The following MYO9A variants were observed in gnomAD, a reference collection of about 807,000 sequenced individuals.
MYO9A encodes myosin IXA.
In MYO9A, 103 loss-of-function variants were observed where a neutral mutation model predicts 293.3. That is an observed-to-expected ratio of 0.35 (90% CI 0.30 to 0.41). MYO9A has a LOEUF of 0.41. Ranked by LOEUF, MYO9A falls within the 10% of genes least tolerant of loss-of-function variation. The pLI is 1.00. For synonymous variants in MYO9A, 1,001 were observed against 1,035.7 expected, an observed-to-expected ratio of 0.97 and a Z score of 0.64; for missense variants, 2,685 against 3,033.0, an observed-to-expected ratio of 0.89 and a Z score of 2.69.
intron 32 of MYO9A, among the ~76,000 whole-genome samples, chr15:71,871,358 G>C (rs2056507198): frequency 6.6e-6 from 1 of 152,118 alleles, no homozygotes; most frequent in Admixed American, 6.5e-5. Context: ...CTGGGCAACA[G>C]AGCGAGACCT....
Position 72,085,800 on chromosome 15 carries a change from TG to T in MYO9A, c.-72+31879del, listed in dbSNP as rs201203140. ...GATGCTGTCCTTCGAAATGGTTTTT[TG>T]TTTTTTTCCTTTCACCCTATTTGAT... is the stretch of plus-strand genomic sequence containing the variant. On this transcript the variant is annotated intron_variant, in intron 1 of 41. Transcript: ENST00000356056. Among the ~76,000 whole-genome samples, 657 of 152,338 alleles carry T rather than the reference TG, an allele frequency of 4.3e-3. 29 individuals carry two copies. Among genetic ancestry groups the T allele is most frequent in the Admixed American group, 0.039 (598 of 15,284 alleles).
chr15:72,031,010 G>A (rs796325289), intron 3 of MYO9A, among the ~76,000 whole-genome samples: 6 of 152,210 alleles, frequency 3.9e-5, no homozygotes, highest in African/African-American at 1.4e-4. Context: ...GATCAGCGGC[G>A]GCATTAGATT....
At position 72,117,789 on chromosome 15, in the gene MYO9A, C is replaced by A; in HGVS notation, c.-181G>T. 2.5e-6 allele frequency: 1 copy of A among 398,282 alleles called. No individual in the cohort carries two copies. The highest frequency in any genetic ancestry group is 3.6e-5 in the East Asian group (1 of 28,034). The allele number at this position is 398,282 out of a possible 1,614,324, so 24.7% of individuals were successfully genotyped here. ...AGATGGCAGAAGAGGCCGAGGCCACCGAGGGTCGGACGGTTCCGGGAGGGT... is the reference window on the plus strand; with the variant it reads ...AGATGGCAGAAGAGGCCGAGGCCACAGAGGGTCGGACGGTTCCGGGAGGGT... On this transcript the variant is annotated 5_prime_UTR_variant, in exon 1 of 42. Coordinates refer to ENST00000356056, the MANE Select transcript of MYO9A (RefSeq NM_006901.4).
At chr15:72,002,681 A>G (rs1408610811) in intron 8 of MYO9A, among the ~76,000 whole-genome samples, 1 of 152,248 alleles carries the variant, frequency 6.6e-6, no homozygotes, top group Non-Finnish European at 1.5e-5. Flanking sequence ...TCTTTATAAA[A>G]ACATCTATCT....
chr15:71,896,952 ATG>A (rs1386508788), intron 25 of MYO9A: 5 of 152,450 alleles, frequency 3.3e-5, no homozygotes, highest in Non-Finnish European at 7.3e-5. Flanking sequence ...TTGCAAAACA[ATG>A]TATATACAGT....
In MYO9A at chr15:71,850,052, T is replaced by G; in HGVS notation, c.6697A>C (p.Ile2233Leu). Residue 2233 changes from isoleucine to leucine, a missense_variant, in exon 38 of 42, where the codon ATC (isoleucine) becomes CTC (leucine). Around this residue, in one of 10 missense-constraint regions of MYO9A, gnomAD observed 238 missense variants for 269.1 expected, o/e 0.88. Coordinates refer to ENST00000356056, the MANE Select transcript of MYO9A (RefSeq NM_006901.4). ...TGGCCTTACGTGGTAGTCTTACTGA[T>G]GTCCTGTACACTTTGTAGTGGGTCA... ...TTDPLQSVQD[I>L]SKTTTCVELI... 1.2e-6 allele frequency: 2 copies of G among 1,613,966 alleles called. No homozygotes were observed. The highest frequency in any genetic ancestry group is 1.7e-6 in the Non-Finnish European group (2 of 1,179,876).
intron 1 of MYO9A, among the ~76,000 whole-genome samples, chr15:72,052,413 G>A (rs951598809): frequency 3.3e-5 from 5 of 152,192 alleles, no homozygotes; most frequent in Non-Finnish European, 7.3e-5. Context: ...ACTTGTCCGT[G>A]TACCTCGTTC....
chr15:72,056,219 C>T (rs1160400583), intron 1 of MYO9A, among the ~76,000 whole-genome samples: 1 of 152,160 alleles, frequency 6.6e-6, no homozygotes, highest in Non-Finnish European at 1.5e-5. Flanking sequence ...CAGGGTATCA[C>T]CCAGTTGCCA....
At chr15:72,040,965 A>C (rs970451832) in intron 2 of MYO9A, among the ~76,000 whole-genome samples, 10 of 152,238 alleles carry the variant, frequency 6.6e-5, no homozygotes, top group African/African-American at 2.4e-4. Flanking sequence ...CTCAGAGATC[A>C]TACTAAAAAC....
intron 10 of MYO9A, among the ~76,000 whole-genome samples, chr15:71,994,090 T>C (rs900120890): frequency 2.1e-4 from 32 of 152,182 alleles, no homozygotes; most frequent in African/African-American, 6.5e-4. Context: ...TGGATGGATT[T>C]ATGGTACACA....
chr15:71,892,985 A>T, intron 26 of MYO9A: 1 of 1,276,236 alleles, frequency 7.8e-7, no homozygotes, highest in Non-Finnish European at 1.0e-6. Flanking sequence ...TCACTGTGAG[A>T]GGCCTGACCC....
At chr15:71,894,299 G>A (rs1043267768) in intron 25 of MYO9A, among the ~76,000 whole-genome samples, 3 of 152,158 alleles carry the variant, frequency 2.0e-5, no homozygotes, top group Non-Finnish European at 2.9e-5. Flanking sequence ...CGTTGAGGCT[G>A]GGTGCAGTGG....
chr15:71,908,432 G>A (rs1028475464), intron 19 of MYO9A, among the ~76,000 whole-genome samples: 6 of 152,148 alleles, frequency 3.9e-5, no homozygotes, highest in Non-Finnish European at 8.8e-5. Flanking sequence ...CAAAGTGCTG[G>A]GATTACAGGC....
chr15:71,947,497 G>C lies in MYO9A; in HGVS notation c.2302+4280C>G, dbSNP rs146694962. ...AATATGTTGTTTCCATCATCTTTCA[G>C]ATCAAAAAACTTCCAAGTTACCCTT... On this transcript the variant is annotated intron_variant, in intron 15 of 41. Transcript: ENST00000356056. Among the ~76,000 whole-genome samples, 7 of 151,900 alleles carry C rather than the reference G, an allele frequency of 4.6e-5. No individual in the cohort carries two copies. The East Asian group carries it at 9.7e-4, about 21-fold the overall frequency.
intron 11 of MYO9A, among the ~76,000 whole-genome samples, chr15:71,986,683 AAG>A (rs1344467360): frequency 6.6e-6 from 1 of 152,178 alleles, no homozygotes; most frequent in Non-Finnish European, 1.5e-5. Flanking sequence ...TTTTAATAGA[AAG>A]AGGGCTTATA....
intron 24 of MYO9A, 130 bp from the exon 25 acceptor site, chr15:71,899,162 C>G: frequency 1.2e-6 from 1 of 831,318 alleles, no homozygotes; most frequent in Non-Finnish European, 1.8e-6. Flanking sequence ...TCTTCTTAAA[C>G]TAACTTGAAT....
chr15:71,992,243 T>C (rs2076563216), intron 10 of MYO9A, among the ~76,000 whole-genome samples: 1 of 152,204 alleles, frequency 6.6e-6, no homozygotes. Context: ...ACATAAATGC[T>C]TATATTCTTC....
chr15:71,918,613 T>C (rs578121213), intron 18 of MYO9A, among the ~76,000 whole-genome samples: 1 of 152,336 alleles, frequency 6.6e-6, no homozygotes, highest in Admixed American at 6.5e-5. Context: ...GTATGTATAT[T>C]CATGAAAAGT....
rs1394750126 is a variant in MYO9A, at chr15:72,100,979, GC to G, written c.-72+16700del. Among the ~76,000 whole-genome samples the G allele has an allele frequency of 1.0e-3, 127 of 126,176 alleles. 1 individual carries two copies. Among genetic ancestry groups the G allele is most frequent in the African/African-American group, 3.5e-3 (118 of 33,920 alleles). The allele number at this position is 126,176 out of a possible 152,430, so 82.8% of individuals were successfully genotyped here. Reference sequence around the variant, plus strand: ...GTCCCGGAGGGAGGTGGGGGGGTCAGCCCCCCGCCTGGCCAGCCGCCCCGTC... The same window carrying G: ...GTCCCGGAGGGAGGTGGGGGGGTCAGCCCCCGCCTGGCCAGCCGCCCCGTC... On this transcript the variant is annotated intron_variant, in intron 1 of 41. Coordinates refer to ENST00000356056, the MANE Select transcript of MYO9A (RefSeq NM_006901.4).
Sources: allele counts gnomAD v4.1 joint callset (sites outside exome capture counted in the v4.1 genomes callset), GRCh38; gene constraint gnomAD v4.1.1; regional missense constraint gnomAD v4.1.1; transcripts MANE v1.5; gene names NCBI Gene and HGNC (gene_info 2026-07-23, HGNC 2026-07-21).